The following RSRC1 variants were observed in gnomAD, a reference collection of about 807,000 sequenced individuals.
RSRC1 encodes arginine and serine rich coiled-coil 1, also known as serine/Arginine-related protein 53.
In RSRC1, 39 loss-of-function variants were observed where a neutral mutation model predicts 49.1. The observed-to-expected ratio is 0.79, with a 90% CI of 0.61 to 1.04. RSRC1 has a LOEUF of 1.04. Ranked by LOEUF, RSRC1 falls within the 50% of genes least tolerant of loss-of-function variation. The pLI is 0.00. For missense variants in RSRC1, 388 were observed against 402.4 expected (o/e 0.96, Z 0.31); for synonymous variants, 143 against 130.8 (o/e 1.09, Z -0.63).
chr3:158,421,194 G>C (rs895023722), intron 6 of RSRC1, among the ~76,000 whole-genome samples: 2 of 151,860 alleles, frequency 1.3e-5, no homozygotes, highest in African/African-American at 2.4e-5. Context: ...AGTATGGATT[G>C]ACTCATAAGG....
intron 3 of RSRC1, among the ~76,000 whole-genome samples, chr3:158,175,418 C>T (rs180881799): frequency 2.6e-5 from 4 of 152,122 alleles, no homozygotes; most frequent in African/African-American, 9.6e-5. Context: ...CTCTTAGAAA[C>T]TCTATCATTG....
At chr3:158,385,665 A>C (rs993021627) in intron 6 of RSRC1, among the ~76,000 whole-genome samples, 1 of 152,134 alleles carries the variant, frequency 6.6e-6, no homozygotes, top group Admixed American at 6.6e-5. Flanking sequence ...CTATTTTTTT[A>C]AATGTTTTCA....
At chr3:158,442,312 C>T (rs1736426712) in intron 6 of RSRC1, among the ~76,000 whole-genome samples, 1 of 152,144 alleles carries the variant, frequency 6.6e-6, no homozygotes, top group South Asian at 2.1e-4. Context: ...TTTCTTTCAA[C>T]ATTGGAGTCA....
chr3:158,509,054 A>AT (rs1294848743), intron 7 of RSRC1, among the ~76,000 whole-genome samples: 1 of 152,202 alleles, frequency 6.6e-6, no homozygotes, highest in Non-Finnish European at 1.5e-5. Flanking sequence ...ATGGCGTGAT[A>AT]TTTAAGAGGG....
At chr3:158,207,662 T>TAGATAGATAGATAGATAGACAGAC (rs55689613) in intron 4 of RSRC1, among the ~76,000 whole-genome samples, 451 of 149,048 alleles carry the variant, frequency 3.0e-3, no homozygotes, top group African/African-American at 9.5e-3. Flanking sequence ...GATAGATAGA[T>TAGATAGATAGATAGATAGACAGAC]AGACAGAGAG....
At chr3:158,238,099 A>T (rs145084658) in intron 4 of RSRC1, among the ~76,000 whole-genome samples, 48 of 152,352 alleles carry the variant, frequency 3.2e-4, no homozygotes, top group African/African-American at 1.1e-3. Context: ...CAAAATCATG[A>T]GTGAACTCCC....
At chr3:158,281,577 A>AT (rs1363723109) in intron 4 of RSRC1, among the ~76,000 whole-genome samples, 1 of 152,226 alleles carries the variant, frequency 6.6e-6, no homozygotes, top group East Asian at 1.9e-4. Flanking sequence ...TTGAAGAGCC[A>AT]TTTTTTTGAG....
intron 4 of RSRC1, among the ~76,000 whole-genome samples, chr3:158,210,846 A>AT (rs1721633163): frequency 1.3e-5 from 2 of 152,198 alleles, no homozygotes; most frequent in Non-Finnish European, 2.9e-5. Context: ...TTTATACATT[A>AT]TATCAGTACA....
chr3:158,212,048 G>C (rs930702561), intron 4 of RSRC1, among the ~76,000 whole-genome samples: 1 of 151,750 alleles, frequency 6.6e-6, no homozygotes, highest in African/African-American at 2.4e-5. Context: ...AGAGTGTGCT[G>C]AGTACCCTTG....
At chr3:158,172,948 T>G (rs574553138) in intron 3 of RSRC1, among the ~76,000 whole-genome samples, 14 of 152,194 alleles carry the variant, frequency 9.2e-5, no homozygotes, top group South Asian at 2.1e-4. Context: ...ATCCCCTTTG[T>G]AAGAAACTTG....
At chr3:158,254,605 G>A (rs1271563022) in intron 4 of RSRC1, among the ~76,000 whole-genome samples, 2 of 151,962 alleles carry the variant, frequency 1.3e-5, no homozygotes, top group Non-Finnish European at 2.9e-5. Context: ...CTAATTTTTT[G>A]TATTTTTTAG....
chr3:158,186,084 G>A (rs1719910541), intron 3 of RSRC1, among the ~76,000 whole-genome samples: 4 of 151,594 alleles, frequency 2.6e-5, no homozygotes, highest in African/African-American at 9.7e-5. Context: ...GAGCTATAAG[G>A]ACTTAAATCA....
At chr3:158,255,994 A>G (rs1724527927) in intron 4 of RSRC1, among the ~76,000 whole-genome samples, 1 of 152,198 alleles carries the variant, frequency 6.6e-6, no homozygotes, top group Non-Finnish European at 1.5e-5. Flanking sequence ...GTGTACAATC[A>G]TGTCATCTAC....
chr3:158,133,948 G>A (rs1263568539), intron 3 of RSRC1, among the ~76,000 whole-genome samples: 1 of 152,160 alleles, frequency 6.6e-6, no homozygotes, highest in Non-Finnish European at 1.5e-5. Context: ...AAAGACGGCG[G>A]CTGATAAATC....
intron 6 of RSRC1, among the ~76,000 whole-genome samples, chr3:158,400,733 A>G (rs879903885): frequency 1.1e-4 from 16 of 152,134 alleles, no homozygotes; most frequent in Admixed American, 5.2e-4. Context: ...ACAGCCATAC[A>G]GTGCATCATT....
At chr3:158,441,928 C>A (rs1030559895) in intron 6 of RSRC1, among the ~76,000 whole-genome samples, 1 of 152,068 alleles carries the variant, frequency 6.6e-6, no homozygotes, top group South Asian at 2.1e-4. Context: ...CAGACCACCA[C>A]AACAAAGCAA....
chr3:158,322,196 G>A (rs1204726809), intron 5 of RSRC1, among the ~76,000 whole-genome samples: 5 of 152,008 alleles, frequency 3.3e-5, no homozygotes, highest in African/African-American at 4.8e-5. Context: ...TTTTTATTTC[G>A]TGTTTATTTT....
intron 7 of RSRC1, among the ~76,000 whole-genome samples, chr3:158,518,889 A>G (rs1306529138): frequency 2.0e-5 from 3 of 152,110 alleles, no homozygotes; most frequent in African/African-American, 7.2e-5. Flanking sequence ...ACAGGAACTC[A>G]GTCTTTTTCT....
intron 5 of RSRC1, among the ~76,000 whole-genome samples, chr3:158,323,148 CT>C (rs1237448912): frequency 6.6e-6 from 1 of 151,786 alleles, no homozygotes; most frequent in African/African-American, 2.4e-5. Context: ...CAATTTTGTT[CT>C]TCTGAGTATT....
Sources: allele counts gnomAD v4.1 joint callset (sites outside exome capture counted in the v4.1 genomes callset), GRCh38; gene constraint gnomAD v4.1.1; transcripts MANE v1.5; gene names NCBI Gene and HGNC (gene_info 2026-07-23, HGNC 2026-07-21).